Variants in STK17A observed in about 807,000 individuals in gnomAD.
STK17A encodes the protein serine/threonine kinase 17a.
In STK17A, 26 loss-of-function variants were observed where a neutral mutation model predicts 43.7. That is an observed-to-expected ratio of 0.60 (90% CI 0.44 to 0.83). STK17A has a LOEUF of 0.83. STK17A is among the 40% of genes least tolerant of loss of function. The pLI is 0.00. For missense variants in STK17A, 476 were observed against 511.6 expected (o/e 0.93, Z 0.67); for synonymous variants, 191 against 182.5 (o/e 1.05, Z -0.38).
intron 3 of STK17A, among the ~76,000 whole-genome samples, chr7:43,618,088 A>G (rs2153000710): frequency 6.6e-6 from 1 of 152,334 alleles, no homozygotes; most frequent in South Asian, 2.1e-4. Flanking sequence ...ATGGAAGGAA[A>G]GGAAATGTGA....
chr7:43,583,797 C>G, intron 1 of STK17A, among the ~76,000 whole-genome samples: 1 of 152,226 alleles, frequency 6.6e-6, no homozygotes, highest in East Asian at 1.9e-4. Context: ...AGCAGCGGGT[C>G]TGAAAACCAG....
chr7:43,624,688 C>T lies in STK17A; in HGVS notation c.1091C>T (p.Ser364Phe). 1 of 1,614,032 alleles carries T rather than the reference C, an allele frequency of 6.2e-7. No individual in the cohort carries two copies. Among genetic ancestry groups the T allele is most frequent in the Non-Finnish European group, 8.5e-7 (1 of 1,179,992 alleles). Reference protein sequence around the residue: ...SDTDKSETKESIVTEELIVVT... With the variant: ...SDTDKSETKEFIVTEELIVVT... Reference sequence around the variant, plus strand: ...ACCGACAAATCAGAAACCAAGGAATCCATTGTAACCGAAGAGTTAATTGTA... The same window carrying T: ...ACCGACAAATCAGAAACCAAGGAATTCATTGTAACCGAAGAGTTAATTGTA... Residue 364 changes from serine to phenylalanine, a missense_variant, in exon 7 of 7, where the codon TCC becomes TTC. Ser to Phe is a radical substitution (Grantham distance 155). Transcript: ENST00000319357.
intron 2 of STK17A, among the ~76,000 whole-genome samples, chr7:43,607,564 G>C (rs991635535): frequency 7.0e-6 from 1 of 142,622 alleles, no homozygotes; most frequent in South Asian, 2.2e-4. Context: ...CAGGAGAATC[G>C]ATTGAACCCA....
rs551194619 is a variant in STK17A at position 43,625,176 on chromosome 7, C to T, written c.*334C>T. On this transcript the variant is annotated 3_prime_UTR_variant, in exon 7 of 7. Coordinates refer to ENST00000319357, the MANE Select transcript of STK17A (RefSeq NM_004760.3). ...CTTTAAAAAATCCAAGTAAAAGTGC[C>T]AAAACTACACTTCTGTAAATCTCTT... The T allele has an allele frequency of 1.2e-4, 25 of 201,708 alleles. No homozygotes were observed. The South Asian group carries it at 2.6e-3, about 21-fold the overall frequency. The allele number at this position is 201,708 out of a possible 1,614,324, so 12.5% of individuals were successfully genotyped here.
At chr7:43,603,753 G>A (rs543456613) in intron 2 of STK17A, among the ~76,000 whole-genome samples, 2 of 152,208 alleles carry the variant, frequency 1.3e-5, no homozygotes, top group African/African-American at 2.4e-5. Flanking sequence ...GTGATTCCAC[G>A]TGGTGGCGGA....
chr7:43,615,012 A>AT (rs1466281904), intron 3 of STK17A, among the ~76,000 whole-genome samples: 2 of 152,194 alleles, frequency 1.3e-5, no homozygotes, highest in East Asian at 3.8e-4. Context: ...AAATCTCAAG[A>AT]TTTGGTGAAG....
At position 43,626,676 on chromosome 7, in the gene STK17A, C is replaced by G. The variant is rs1465823927; in HGVS notation, c.*1834C>G. 1 of 152,160 alleles carries G rather than the reference C, an allele frequency of 6.6e-6. No individual in the cohort carries two copies. The highest frequency in any genetic ancestry group is 1.5e-5 in the Non-Finnish European group (1 of 68,024). 9.4% of individuals were successfully genotyped at this position (152,160 alleles called of 1,614,324 possible). On this transcript the variant is annotated 3_prime_UTR_variant, in exon 7 of 7. Transcript: ENST00000319357. ...GGAGGTGACCAGGAAAAAATAACCA[C>G]TATTGAATGACACGTTTGTACTTGA...
intron 2 of STK17A, 102 bp downstream of exon 2, chr7:43,596,215 AAT>A: frequency 2.8e-6 from 3 of 1,084,108 alleles, no homozygotes; most frequent in Non-Finnish European, 3.8e-6. Flanking sequence ...GTTCTCTGGA[AAT>A]CTCAGAATTT....
intron 3 of STK17A, among the ~76,000 whole-genome samples, chr7:43,618,095 G>A (rs536199170): frequency 1.6e-4 from 25 of 152,298 alleles, no homozygotes; most frequent in African/African-American, 5.8e-4. Flanking sequence ...GAAAGGAAAT[G>A]TGAACATTCA....
At chr7:43,617,351 T>C (rs138154626) in intron 3 of STK17A, among the ~76,000 whole-genome samples, 148 of 152,340 alleles carry the variant, frequency 9.7e-4, no homozygotes, top group African/African-American at 3.3e-3. Flanking sequence ...TAGCAAACCT[T>C]TGAAGAGGCC....
At chr7:43,608,220 T>G (rs1309948537) in intron 2 of STK17A, 36 bp from the exon 3 acceptor site, 1 of 1,573,298 alleles carries the variant, frequency 6.4e-7, no homozygotes, top group Non-Finnish European at 8.6e-7. Flanking sequence ...CCATTTCTTA[T>G]GAGTTATATA....
intron 3 of STK17A, among the ~76,000 whole-genome samples, chr7:43,614,744 C>T (rs1027433633): frequency 6.6e-6 from 1 of 152,152 alleles, no homozygotes; most frequent in African/African-American, 2.4e-5. Context: ...TAGAAAGTCT[C>T]TCACATTGGT....
intron 2 of STK17A, among the ~76,000 whole-genome samples, chr7:43,607,002 C>T (rs775236768): frequency 6.9e-6 from 1 of 144,766 alleles, no homozygotes; most frequent in Non-Finnish European, 1.5e-5. Flanking sequence ...CGGTTCATCC[C>T]AACTTCTGCC....
chr7:43,622,881 T>C (rs1193019034), intron 4 of STK17A: 1 of 152,310 alleles, frequency 6.6e-6, no homozygotes, highest in African/African-American at 2.4e-5. Context: ...TTGTTTATTT[T>C]TTGTAGAGAC....
intron 2 of STK17A, among the ~76,000 whole-genome samples, chr7:43,607,211 CTG>C (rs1406949379): frequency 1.3e-5 from 2 of 152,072 alleles, no homozygotes; most frequent in South Asian, 2.1e-4. Context: ...GTGTGAGCCA[CTG>C]TGCCCAGCCT....
intron 2 of STK17A, among the ~76,000 whole-genome samples, chr7:43,603,309 T>G (rs564588534): frequency 1.1e-4 from 16 of 152,292 alleles, no homozygotes; most frequent in Admixed American, 8.5e-4. Flanking sequence ...AGAGATATAC[T>G]CTGGATACTG....
chr7:43,620,887 A>T (rs2083818803), intron 4 of STK17A, among the ~76,000 whole-genome samples: 1 of 152,104 alleles, frequency 6.6e-6, no homozygotes, highest in Non-Finnish European at 1.5e-5. Context: ...CGTGGCAGGA[A>T]TGGAGAAGGC....
At position 43,583,372 on chromosome 7, in the gene STK17A, G is replaced by C; in HGVS notation, c.129G>C (p.Leu43=). 2 of 1,448,890 alleles carry C rather than the reference G, an allele frequency of 1.4e-6. No individual in the cohort carries two copies. Among genetic ancestry groups the C allele is most frequent in the Non-Finnish European group, 1.8e-6 (2 of 1,098,498 alleles). The allele number at this position is 1,448,890 out of a possible 1,614,324, so 89.8% of individuals were successfully genotyped here. A position where few individuals can be genotyped will look rare whatever the true frequency, so the allele number is the denominator to read the frequency against. The change falls in exon 1 of 7, where the codon CTG becomes CTC. Residue 43 remains leucine, a synonymous_variant. Transcript: ENST00000319357. ...PPPPPQARGL[L]TEIRAVVRTE... is the part of the protein sequence containing the mutation. ...CGCCGCCCCAGGCCCGCGGGCTGCT[G>C]ACAGAGATACGCGCCGTGGTGCGCA...
intron 3 of STK17A, among the ~76,000 whole-genome samples, chr7:43,614,662 T>G (rs538051099): frequency 8.5e-5 from 13 of 152,340 alleles, no homozygotes; most frequent in African/African-American, 2.9e-4. Context: ...TGAAATCCCA[T>G]GAAATAGCTC....
Sources: allele counts gnomAD v4.1 joint callset (sites outside exome capture counted in the v4.1 genomes callset), GRCh38; gene constraint gnomAD v4.1.1; transcripts MANE v1.5; gene names NCBI Gene and HGNC (gene_info 2026-07-23, HGNC 2026-07-21).